XKR9: variants seen among roughly 807,000 people sequenced by gnomAD.
XKR9 encodes XK related 9.
Under a neutral mutation model 32.0 loss-of-function variants are expected in XKR9, and 32 were observed. The ratio of observed to expected loss-of-function variants is 1.00; its 90% CI spans 0.76 to 1.34. The LOEUF is 1.34. XKR9 is among the 40% of genes most tolerant of loss of function. The pLI, the probability that XKR9 is intolerant of heterozygous loss-of-function variation, is 0.00. For missense variants in XKR9, 546 were observed against 429.7 expected, an observed-to-expected ratio of 1.27 and a Z score of -2.39; for synonymous variants, 168 against 143.4, an observed-to-expected ratio of 1.17 and a Z score of -1.22.
chr8:70,691,913 A>G (rs1805084013), intron 3 of XKR9, among the ~76,000 whole-genome samples: 1 of 152,152 alleles, frequency 6.6e-6, no homozygotes, highest in African/African-American at 2.4e-5. Context: ...TTTTGGTTCC[A>G]TATAAATTTT....
intron 2 of XKR9, among the ~76,000 whole-genome samples, chr8:70,775,890 G>T (rs1369511816): frequency 6.6e-6 from 1 of 151,912 alleles, no homozygotes; most frequent in African/African-American, 2.4e-5. Context: ...GACCACAAGT[G>T]TGTGCCACTA....
intron 2 of XKR9, among the ~76,000 whole-genome samples, chr8:70,785,503 T>G (rs1363288891): frequency 7.7e-6 from 1 of 130,298 alleles, no homozygotes; most frequent in Non-Finnish European, 1.8e-5. Flanking sequence ...GTCTCCATTT[T>G]ATTTATTTCT....
At chr8:71,058,037 C>G in the XKR9 span, among the ~76,000 whole-genome samples, 1,329 of 152,010 alleles carry the variant, frequency 8.7e-3, 6 homozygotes, top group Non-Finnish European at 0.015. Flanking sequence ...AAAAATTAGC[C>G]GGGTGTGGTG....
the XKR9 span, among the ~76,000 whole-genome samples, chr8:70,991,439 A>G: frequency 6.6e-6 from 1 of 152,234 alleles, no homozygotes; most frequent in African/African-American, 2.4e-5. Context: ...ATGGGGAATT[A>G]TATGCTATTT....
intron 2 of XKR9, among the ~76,000 whole-genome samples, chr8:70,767,341 T>C (rs1409153109): frequency 6.6e-6 from 1 of 152,168 alleles, no homozygotes; most frequent in Non-Finnish European, 1.5e-5. Context: ...GGTGTATCTG[T>C]CTAGGAATTT....
the XKR9 span, among the ~76,000 whole-genome samples, chr8:71,005,364 A>G: frequency 6.6e-6 from 1 of 151,730 alleles, no homozygotes; most frequent in Non-Finnish European, 1.5e-5. Context: ...CTGGGATTGC[A>G]GGTGCCCACC....
chr8:70,749,988 A>T (rs1807115226), intron 2 of XKR9, among the ~76,000 whole-genome samples: 1 of 151,994 alleles, frequency 6.6e-6, no homozygotes, highest in African/African-American at 2.4e-5. Flanking sequence ...ATTTTCTGGG[A>T]TTTGGAAGTA....
chr8:70,877,849 C>A, the XKR9 span, among the ~76,000 whole-genome samples: 3 of 152,092 alleles, frequency 2.0e-5, no homozygotes, highest in Non-Finnish European at 4.4e-5. Flanking sequence ...CAACCCAAGA[C>A]ATAATTGTCA....
the XKR9 span, among the ~76,000 whole-genome samples, chr8:70,999,921 G>C: frequency 6.6e-6 from 1 of 152,150 alleles, no homozygotes; most frequent in East Asian, 1.9e-4. Context: ...CTTCTCACCA[G>C]AACCTTGCAT....
At chr8:70,813,928 C>G in the XKR9 span, among the ~76,000 whole-genome samples, 1 of 152,174 alleles carries the variant, frequency 6.6e-6, no homozygotes, top group Non-Finnish European at 1.5e-5. Context: ...TTTGACGCAG[C>G]AATCCCATTA....
At chr8:70,977,218 GT>G in the XKR9 span, among the ~76,000 whole-genome samples, 2 of 151,968 alleles carry the variant, frequency 1.3e-5, no homozygotes, top group Non-Finnish European at 2.9e-5. Context: ...TTTTTGAAGG[GT>G]TTTTTGTGTC....
the XKR9 span, among the ~76,000 whole-genome samples, chr8:70,936,390 G>T: frequency 6.6e-6 from 1 of 152,026 alleles, no homozygotes; most frequent in Non-Finnish European, 1.5e-5. Context: ...AAGAGCCCAG[G>T]CAGAGGGATG....
intron 2 of XKR9, among the ~76,000 whole-genome samples, chr8:70,747,286 C>A (rs1475916343): frequency 6.6e-6 from 1 of 152,110 alleles, no homozygotes; most frequent in Non-Finnish European, 1.5e-5. Flanking sequence ...AATGGTATTG[C>A]TGGGTTGAAT....
At chr8:71,031,431 T>C in the XKR9 span, among the ~76,000 whole-genome samples, 2 of 152,316 alleles carry the variant, frequency 1.3e-5, no homozygotes, top group African/African-American at 4.8e-5. Flanking sequence ...GGTTCAAATT[T>C]TAGTTCTGAG....
chr8:70,673,556 A>C (rs1310036390), intron 1 of XKR9, among the ~76,000 whole-genome samples: 1 of 152,146 alleles, frequency 6.6e-6, no homozygotes, highest in Non-Finnish European at 1.5e-5. Flanking sequence ...TAATCCCAGC[A>C]CTTTGGGAGA....
chr8:70,960,249 CAA>C, the XKR9 span, among the ~76,000 whole-genome samples: 35 of 140,120 alleles, frequency 2.5e-4, no homozygotes, highest in South Asian at 6.9e-4. Context: ...CCGTCCCCCC[CAA>C]AAAAAAAAAA....
chr8:70,851,345 T>C, the XKR9 span, among the ~76,000 whole-genome samples: 3 of 151,890 alleles, frequency 2.0e-5, no homozygotes, highest in African/African-American at 7.3e-5. Flanking sequence ...ATCATGAAAA[T>C]GGCCATACTG....
intron 4 of XKR9, among the ~76,000 whole-genome samples, chr8:70,717,622 C>T (rs796264185): frequency 8.5e-5 from 13 of 152,224 alleles, no homozygotes; most frequent in African/African-American, 3.1e-4. Flanking sequence ...CTGGGTCCAG[C>T]CTACAAAACC....
intron 2 of XKR9, among the ~76,000 whole-genome samples, chr8:70,751,902 C>T (rs1361301252): frequency 6.6e-6 from 1 of 152,170 alleles, no homozygotes; most frequent in African/African-American, 2.4e-5. Flanking sequence ...TGTGGGACTT[C>T]TCAGCTTCCA....
Sources: gnomAD v4.1 joint callset for allele counts (sites outside exome capture counted in the v4.1 genomes callset) on GRCh38, gnomAD v4.1.1 for gene constraint, MANE v1.5 for transcripts, NCBI Gene and HGNC (gene_info 2026-07-23, HGNC 2026-07-21) for gene names.